EHBP1: variants seen among roughly 807,000 people sequenced by gnomAD.
EHBP1 encodes the protein EH domain binding protein 1.
EHBP1 carries 55 observed loss-of-function variants against 144.0 expected under a neutral mutation model. That is an observed-to-expected ratio of 0.38 (90% CI 0.31 to 0.48). EHBP1 has a LOEUF of 0.48. Ranked by LOEUF, EHBP1 falls within the 20% of genes least tolerant of loss-of-function variation. The pLI is 0.98. For missense variants in EHBP1, 1,200 were observed against 1,364.2 expected, an observed-to-expected ratio of 0.88 and a Z score of 1.90; for synonymous variants, 469 against 472.7, an observed-to-expected ratio of 0.99 and a Z score of 0.10.
chr2:62,986,569 G>A (rs1366010173), intron 15 of EHBP1, among the ~76,000 whole-genome samples: 3 of 150,842 alleles, frequency 2.0e-5, no homozygotes, highest in Non-Finnish European at 4.4e-5. Flanking sequence ...CAGCCTCGTA[G>A]CTGGGACTAC....
chr2:62,734,092 T>A (rs983792134), intron 2 of EHBP1, among the ~76,000 whole-genome samples: 4 of 152,236 alleles, frequency 2.6e-5, no homozygotes, highest in African/African-American at 9.6e-5. Flanking sequence ...CATGCTTGAC[T>A]GGAAAGTAGA....
Position 62,940,083 on chromosome 2 carries a change from G to A in EHBP1, c.1186-2635G>A, listed in dbSNP as rs745945013. 1.4e-5 allele frequency: 6 copies of A among 432,382 alleles called. No individual in the cohort carries two copies. In the Admixed American group the frequency reaches 1.4e-4, roughly 10 times the overall value. 26.8% of individuals were successfully genotyped at this position (432,382 alleles called of 1,614,324 possible). On this transcript the variant is annotated intron_variant, in intron 10 of 22. Transcript: ENST00000431489. Reference sequence around the variant, plus strand: ...AAAGGAAAAGAATCTCAAAGTGAAAGGACCAGTTGGGATGCCTACCAAGAC... The same window carrying A: ...AAAGGAAAAGAATCTCAAAGTGAAAAGACCAGTTGGGATGCCTACCAAGAC...
chr2:62,855,135 G>T (rs966390473), intron 7 of EHBP1, among the ~76,000 whole-genome samples: 1 of 152,226 alleles, frequency 6.6e-6, no homozygotes, highest in Non-Finnish European at 1.5e-5. Flanking sequence ...GCCTGGGAAG[G>T]CTTCCCCTGC....
At chr2:62,724,982 G>C (rs1363780925) in intron 2 of EHBP1, among the ~76,000 whole-genome samples, 1 of 152,204 alleles carries the variant, frequency 6.6e-6, no homozygotes, top group Non-Finnish European at 1.5e-5. Flanking sequence ...ATTGGGGACT[G>C]CTGACCTAGA....
At chr2:62,899,051 G>A (rs1251146025) in intron 10 of EHBP1, among the ~76,000 whole-genome samples, 1 of 152,070 alleles carries the variant, frequency 6.6e-6, no homozygotes, top group African/African-American at 2.4e-5. Context: ...GCAATTAATA[G>A]GAAAGAAAAA....
chr2:62,987,865 A>G (rs2059261613), intron 15 of EHBP1: 1 of 861,748 alleles, frequency 1.2e-6, no homozygotes, highest in African/African-American at 1.8e-5. Flanking sequence ...TTTCTTCTTT[A>G]GTGTTTTGGA....
rs11896095 is a variant in EHBP1 at position 63,000,467 on chromosome 2, A to G, written c.3103+3701A>G. Among the ~76,000 whole-genome samples the G allele has an allele frequency of 2.1e-3, 325 of 152,014 alleles. 3 individuals are homozygous for G. The highest frequency in any genetic ancestry group is 6.8e-3 in the African/African-American group (280 of 41,462). On this transcript the variant is annotated intron_variant, in intron 19 of 22. Coordinates refer to ENST00000431489, the MANE Select transcript of EHBP1 (RefSeq NM_001142616.3). ...TCCCAGCACTTTGGGAGGCCGAGAC[A>G]GGTGGATCACCTGAGGTCTGGAGTT...
intron 10 of EHBP1, among the ~76,000 whole-genome samples, chr2:62,880,688 C>T (rs527386484): frequency 6.6e-5 from 10 of 152,212 alleles, no homozygotes; most frequent in African/African-American, 2.2e-4. Flanking sequence ...AGATGCACAT[C>T]AAAACCACAA....
intron 10 of EHBP1, among the ~76,000 whole-genome samples, chr2:62,923,137 C>A (rs1216439830): frequency 6.6e-6 from 1 of 152,196 alleles, no homozygotes; most frequent in South Asian, 2.1e-4. Flanking sequence ...CTGTCTAACA[C>A]TGGGGCTCCA....
At chr2:62,740,506 G>C (rs1003520119) in intron 2 of EHBP1, among the ~76,000 whole-genome samples, 1 of 152,140 alleles carries the variant, frequency 6.6e-6, no homozygotes, top group Non-Finnish European at 1.5e-5. Flanking sequence ...TAAAGTTAGA[G>C]TATTTCTGTG....
intron 10 of EHBP1, among the ~76,000 whole-genome samples, chr2:62,939,308 T>TCG (rs1382781940): frequency 6.6e-6 from 1 of 152,168 alleles, no homozygotes; most frequent in Non-Finnish European, 1.5e-5. Context: ...GGAGTCTCGC[T>TCG]CTGTCGCCCA....
At chr2:62,808,218 CTT>C (rs59599464) in intron 5 of EHBP1, among the ~76,000 whole-genome samples, 11 of 138,140 alleles carry the variant, frequency 8.0e-5, no homozygotes, top group Non-Finnish European at 1.3e-4. Flanking sequence ...TCTTCTGTTC[CTT>C]TTTTTTTTTT....
chr2:62,884,647 G>T (rs2051767309), intron 10 of EHBP1, among the ~76,000 whole-genome samples: 1 of 152,222 alleles, frequency 6.6e-6, no homozygotes, highest in Admixed American at 6.5e-5. Flanking sequence ...ACACAATTAT[G>T]TGTGAGATAA....
intron 3 of EHBP1, among the ~76,000 whole-genome samples, chr2:62,757,426 CTTT>C (rs555494268): frequency 8.8e-6 from 1 of 113,026 alleles, no homozygotes; most frequent in Non-Finnish European, 1.8e-5. Flanking sequence ...TTTTTTTTTT[CTTT>C]TTTTTTTTTT....
At chr2:62,822,278 G>A (rs1468297597) in intron 5 of EHBP1, among the ~76,000 whole-genome samples, 2 of 152,158 alleles carry the variant, frequency 1.3e-5, no homozygotes, top group East Asian at 1.9e-4. Context: ...AGCAATGAGA[G>A]TCCATAGAGG....
chr2:62,930,406 G>A (rs979669508), intron 10 of EHBP1, among the ~76,000 whole-genome samples: 9 of 152,150 alleles, frequency 5.9e-5, no homozygotes, highest in African/African-American at 1.4e-4. Flanking sequence ...AAGATATCCC[G>A]TGTTCTTGGC....
At chr2:62,923,360 G>T (rs916809037) in intron 10 of EHBP1, among the ~76,000 whole-genome samples, 2 of 152,176 alleles carry the variant, frequency 1.3e-5, no homozygotes, top group East Asian at 3.9e-4. Context: ...TCTTCATAGG[G>T]GAGAGGCCCT....
intron 5 of EHBP1, among the ~76,000 whole-genome samples, chr2:62,784,087 A>C (rs906979419): frequency 7.9e-5 from 12 of 152,228 alleles, no homozygotes; most frequent in African/African-American, 2.2e-4. Context: ...TTTCCCCTTT[A>C]CCCTTAAAAT....
chr2:62,924,941 A>C (rs1031706872), intron 10 of EHBP1, among the ~76,000 whole-genome samples: 1 of 152,244 alleles, frequency 6.6e-6, no homozygotes, highest in Admixed American at 6.5e-5. Flanking sequence ...ACGTGGACAC[A>C]AAAATCTTCA....
Sources: gnomAD v4.1 joint callset for allele counts (sites outside exome capture counted in the v4.1 genomes callset) on GRCh38, gnomAD v4.1.1 for gene constraint, MANE v1.5 for transcripts, NCBI Gene and HGNC (gene_info 2026-07-23, HGNC 2026-07-21) for gene names.